Variants in APBB2 observed in about 807,000 individuals in gnomAD.
APBB2 encodes Fe65-like 1.
A neutral mutation model predicts 82.5 loss-of-function variants in APBB2; 38 were observed. That is an observed-to-expected ratio of 0.46 (90% CI 0.36 to 0.60). The LOEUF (loss-of-function observed/expected upper bound fraction) is 0.60. APBB2 is among the 20% of genes least tolerant of loss of function. The pLI is 0.00. For synonymous variants in APBB2, 341 were observed against 368.2 expected (o/e 0.93, Z 0.85); for missense variants, 772 against 972.3 (o/e 0.79, Z 2.74).
intron 6 of APBB2, among the ~76,000 whole-genome samples, chr4:40,969,280 A>ACATGTGTG (rs879884125): frequency 2.6e-5 from 4 of 152,214 alleles, no homozygotes; most frequent in Non-Finnish European, 5.9e-5. Context: ...CCCTGAAGTT[A>ACATGTGTG]AGGACCCTGA....
At chr4:41,150,423 A>C (rs191777934) in intron 1 of APBB2, among the ~76,000 whole-genome samples, 129 of 152,328 alleles carry the variant, frequency 8.5e-4, no homozygotes, top group Non-Finnish European at 1.6e-3. Flanking sequence ...AAGAAGCTGG[A>C]AACAGTGAAG....
At chr4:40,961,280 C>T (rs1793136807) in intron 6 of APBB2, among the ~76,000 whole-genome samples, 1 of 152,022 alleles carries the variant, frequency 6.6e-6, no homozygotes, top group Non-Finnish European at 1.5e-5. Flanking sequence ...AAAGAAACAG[C>T]TTCTAATGGA....
chr4:40,936,910 T>A (rs1322291715), intron 7 of APBB2, among the ~76,000 whole-genome samples: 1 of 152,210 alleles, frequency 6.6e-6, no homozygotes, highest in Admixed American at 6.5e-5. Context: ...TTTGTACATG[T>A]ACATTTTCCT....
At chr4:41,107,362 C>T (rs370021093) in intron 2 of APBB2, among the ~76,000 whole-genome samples, 29 of 152,108 alleles carry the variant, frequency 1.9e-4, no homozygotes, top group African/African-American at 6.3e-4. Context: ...AAAAAAGAAA[C>T]CATAAACCCA....
intron 10 of APBB2, among the ~76,000 whole-genome samples, chr4:40,920,315 C>T (rs1471240496): frequency 1.3e-5 from 2 of 152,212 alleles, no homozygotes; most frequent in African/African-American, 4.8e-5. Flanking sequence ...GTCTCCCCAG[C>T]CATGTGGAAC....
At chr4:41,040,701 C>T (rs1344752392) in intron 4 of APBB2, among the ~76,000 whole-genome samples, 2 of 152,044 alleles carry the variant, frequency 1.3e-5, no homozygotes, top group African/African-American at 4.8e-5. Context: ...ATTAATGCCA[C>T]AAGACAATTC....
intron 1 of APBB2, among the ~76,000 whole-genome samples, chr4:41,160,031 A>AGAAGAC (rs1553969814): frequency 6.8e-6 from 1 of 147,236 alleles, no homozygotes; most frequent in Admixed American, 6.7e-5. Context: ...AAGAAGAAGA[A>AGAAGAC]GAAGAAAACA....
At chr4:41,047,685 C>CCCAG (rs1337047340) in intron 4 of APBB2, among the ~76,000 whole-genome samples, 13 of 152,346 alleles carry the variant, frequency 8.5e-5, no homozygotes, top group African/African-American at 2.6e-4. Flanking sequence ...CCTGGTCTAA[C>CCCAG]GATCCCAGAA....
chr4:41,020,136 A>AT (rs1261666818), intron 5 of APBB2, among the ~76,000 whole-genome samples: 1 of 152,242 alleles, frequency 6.6e-6, no homozygotes, highest in Non-Finnish European at 1.5e-5. Context: ...ATAATTGATA[A>AT]TTGAAGGTCT....
chr4:40,966,330 G>A (rs944133351), intron 6 of APBB2, among the ~76,000 whole-genome samples: 13 of 152,236 alleles, frequency 8.5e-5, no homozygotes, highest in Admixed American at 8.5e-4. Context: ...TGTGATGGCA[G>A]CGGTAGCCCA....
rs536692636 is a variant in APBB2 at position 41,052,402 on chromosome 4, A to G, written c.-51+13174T>C. ...GGGCACCACACCAGTGCCTCACTCTATACTGAAGTTACTGAACATCTCCCA... is the reference window on the plus strand; with the variant it reads ...GGGCACCACACCAGTGCCTCACTCTGTACTGAAGTTACTGAACATCTCCCA... On this transcript the variant is annotated intron_variant, in intron 4 of 17. Transcript: ENST00000508593. Among the ~76,000 whole-genome samples the G allele has an allele frequency of 5.3e-5, 8 of 152,238 alleles. No individual in the cohort carries two copies. The East Asian group carries it at 7.7e-4, about 15-fold the overall frequency.
At chr4:40,860,956 T>G (rs1762606676) in intron 12 of APBB2, among the ~76,000 whole-genome samples, 1 of 152,224 alleles carries the variant, frequency 6.6e-6, no homozygotes, top group South Asian at 2.1e-4. Flanking sequence ...CTTGCCTTTG[T>G]GTTCTCTGGC....
chr4:40,881,531 T>TTTA, intron 12 of APBB2: 4 of 222,340 alleles, frequency 1.8e-5, no homozygotes, highest in Non-Finnish European at 2.7e-5. Context: ...TTCTTTTCTT[T>TTTA]TTCTTTTTTT....
chr4:40,896,661 G>A (rs1040421835), intron 10 of APBB2, among the ~76,000 whole-genome samples: 1 of 152,236 alleles, frequency 6.6e-6, no homozygotes, highest in African/African-American at 2.4e-5. Context: ...TGAGAGATTT[G>A]TATTAGGGTG....
chr4:41,044,620 A>G (rs1313237379), intron 4 of APBB2, among the ~76,000 whole-genome samples: 4 of 152,228 alleles, frequency 2.6e-5, no homozygotes, highest in Non-Finnish European at 5.9e-5. Context: ...TAGATATAAA[A>G]ATACTGGCTC....
chr4:40,963,282 T>C (rs1793771746), intron 6 of APBB2, among the ~76,000 whole-genome samples: 1 of 152,186 alleles, frequency 6.6e-6, no homozygotes, highest in South Asian at 2.1e-4. Context: ...TATTGCTCTC[T>C]GTTGCCCAGG....
rs956229562 is a variant in APBB2, at chr4:40,880,428, C to T, written c.1529+9936G>A. 13 of 985,312 alleles carry T rather than the reference C, an allele frequency of 1.3e-5. No homozygotes were observed. In the African/African-American group the frequency reaches 2.1e-4, roughly 16 times the overall value. The allele number at this position is 985,312 out of a possible 1,614,324, so 61.0% of individuals were successfully genotyped here. A position where few individuals can be genotyped will look rare whatever the true frequency, so the allele number is the denominator to read the frequency against. On this transcript the variant is annotated intron_variant, in intron 12 of 17. Coordinates refer to ENST00000508593, the MANE Select transcript of APBB2 (RefSeq NM_004307.2). The stretch of plus-strand genomic sequence containing the variant: ...ACTCGTGTATGAAAAGTGGTGACTG[C>T]ACCTTCCTTTGCAACAAGAGGCTTT...
intron 10 of APBB2, among the ~76,000 whole-genome samples, chr4:40,926,513 T>C (rs1344377405): frequency 6.6e-6 from 1 of 152,092 alleles, no homozygotes; most frequent in Admixed American, 6.6e-5. Context: ...TGGCGCGATC[T>C]TGGTTCACTG....
At chr4:41,028,294 T>C (rs1177371335) in intron 5 of APBB2, among the ~76,000 whole-genome samples, 3 of 152,252 alleles carry the variant, frequency 2.0e-5, no homozygotes. Flanking sequence ...GAGATGATTG[T>C]ACTCCTTATT....
Sources: gnomAD v4.1 joint callset for allele counts (sites outside exome capture counted in the v4.1 genomes callset) on GRCh38, gnomAD v4.1.1 for gene constraint, MANE v1.5 for transcripts, NCBI Gene and HGNC (gene_info 2026-07-23, HGNC 2026-07-21) for gene names.